PRKAR2B: variants seen among roughly 807,000 people sequenced by gnomAD.
PRKAR2B encodes the protein cAMP-dependent protein kinase type II-beta regulatory subunit.
Under a neutral mutation model 49.9 loss-of-function variants are expected in PRKAR2B, and 14 were observed. That is an observed-to-expected ratio of 0.28 (90% CI 0.19 to 0.44). The LOEUF (loss-of-function observed/expected upper bound fraction) is 0.44. PRKAR2B is among the 20% of genes least tolerant of loss of function. PRKAR2B has a pLI of 1.00. For synonymous variants in PRKAR2B, 196 were observed against 197.7 expected, an observed-to-expected ratio of 0.99 and a Z score of 0.07; for missense variants, 393 against 537.9, an observed-to-expected ratio of 0.73 and a Z score of 2.67.
At chr7:107,073,932 C>G (rs532634590) in intron 2 of PRKAR2B, among the ~76,000 whole-genome samples, 1 of 151,826 alleles carries the variant, frequency 6.6e-6, no homozygotes, top group Non-Finnish European at 1.5e-5. Context: ...CATGGTGGCG[C>G]GTGCCTATAG....
rs979914870 is a variant in PRKAR2B, at chr7:107,161,692, G to A, written c.*2110G>A. 1 of 152,230 alleles carries A rather than the reference G, an allele frequency of 6.6e-6. No individual in the cohort carries two copies. The highest frequency in any genetic ancestry group is 1.5e-5 in the Non-Finnish European group (1 of 68,038). 9.4% of individuals were successfully genotyped at this position (152,230 alleles called of 1,614,324 possible). On this transcript the variant is annotated 3_prime_UTR_variant, in exon 11 of 11. Transcript: ENST00000265717. ...TTTAAAATTATTAGCTATTCATCAT[G>A]TGTGGGAGAAATAATTGTGGTGTGT... is the stretch of plus-strand genomic sequence containing the variant.
rs1392080606 is a variant in PRKAR2B, at chr7:107,146,337, A to G, written c.617A>G (p.Asp206Gly). The change falls in exon 6 of 11, where the codon GAT (aspartate) becomes GGT (glycine). Residue 206 changes from aspartate to glycine, a missense_variant. By Grantham distance (94) the Asp-to-Gly change is moderately conservative. This residue lies in a region of PRKAR2B where 233 missense variants were observed against 390.4 expected (regional missense o/e 0.60). Transcript: ENST00000265717. ...ACATTTGATATTTATGTGAAATGTG[A>G]TGGTGTTGGAAGATGTGTTGGTAAC... ...RGTFDIYVKCDGVGRCVGNYD... is the reference protein window; with the variant it reads ...RGTFDIYVKCGGVGRCVGNYD... The G allele has an allele frequency of 6.2e-7, 1 of 1,614,090 alleles. No homozygotes were observed. The highest frequency in any genetic ancestry group is 8.5e-7 in the Non-Finnish European group (1 of 1,179,968).
intron 2 of PRKAR2B, among the ~76,000 whole-genome samples, chr7:107,103,220 C>T (rs1277717004): frequency 6.6e-6 from 1 of 152,076 alleles, no homozygotes; most frequent in Non-Finnish European, 1.5e-5. Flanking sequence ...ACTAAAATTT[C>T]TTGGGAAATA....
intron 2 of PRKAR2B, among the ~76,000 whole-genome samples, chr7:107,096,880 T>G (rs1025531373): frequency 2.0e-5 from 3 of 152,206 alleles, no homozygotes; most frequent in African/African-American, 7.2e-5. Context: ...AGAGACAGTT[T>G]GTTAGAATTT....
chr7:107,100,979 A>AT (rs1175413082), intron 2 of PRKAR2B, among the ~76,000 whole-genome samples: 1 of 152,090 alleles, frequency 6.6e-6, no homozygotes, highest in Non-Finnish European at 1.5e-5. Context: ...AACTGGCCCA[A>AT]TTGTAGATCA....
At chr7:107,073,027 G>A (rs1005434204) in intron 2 of PRKAR2B, among the ~76,000 whole-genome samples, 1 of 152,104 alleles carries the variant, frequency 6.6e-6, no homozygotes, top group Non-Finnish European at 1.5e-5. Context: ...AATGTGTAGT[G>A]CTATGTGTTC....
intron 2 of PRKAR2B, among the ~76,000 whole-genome samples, chr7:107,073,874 A>G (rs1359467491): frequency 6.6e-6 from 1 of 151,866 alleles, no homozygotes; most frequent in Non-Finnish European, 1.5e-5. Flanking sequence ...CAGCCTGGCC[A>G]ACTTGGTGAA....
intron 2 of PRKAR2B, among the ~76,000 whole-genome samples, chr7:107,096,934 A>G (rs75910469): frequency 6.6e-6 from 1 of 152,082 alleles, no homozygotes; most frequent in Non-Finnish European, 1.5e-5. Context: ...TTGCAACTAT[A>G]TGGTCAGTTT....
chr7:107,117,564 G>A (rs1057410511), intron 2 of PRKAR2B, among the ~76,000 whole-genome samples: 1 of 152,144 alleles, frequency 6.6e-6, no homozygotes, highest in African/African-American at 2.4e-5. Flanking sequence ...GTGAATCGTG[G>A]AGTTCAGTCT....
intron 2 of PRKAR2B, among the ~76,000 whole-genome samples, chr7:107,071,074 T>C (rs1794259893): frequency 6.6e-6 from 1 of 152,240 alleles, no homozygotes; most frequent in South Asian, 2.1e-4. Flanking sequence ...AACTATTATT[T>C]AGAAAATTCA....
chr7:107,157,406 T>C, intron 10 of PRKAR2B, 82 bp downstream of exon 10: 1 of 1,461,322 alleles, frequency 6.8e-7, no homozygotes, highest in Non-Finnish European at 9.2e-7. Flanking sequence ...TGAATCATTT[T>C]ATTGGGTTCA....
intron 8 of PRKAR2B, among the ~76,000 whole-genome samples, chr7:107,156,036 A>G (rs1425335093): frequency 6.6e-6 from 1 of 152,200 alleles, no homozygotes; most frequent in Non-Finnish European, 1.5e-5. Flanking sequence ...GTTCTCACTC[A>G]TAAGTGGGAG....
chr7:107,156,421 G>T (rs984823774), intron 8 of PRKAR2B, among the ~76,000 whole-genome samples: 1 of 152,058 alleles, frequency 6.6e-6, no homozygotes, highest in African/African-American at 2.4e-5. Context: ...CTGGGTGACA[G>T]AGCGAGACTC....
chr7:107,080,938 CCTT>C (rs1487337544), intron 2 of PRKAR2B, among the ~76,000 whole-genome samples: 7 of 152,184 alleles, frequency 4.6e-5, no homozygotes, highest in African/African-American at 1.7e-4. Flanking sequence ...ACTTAAATGA[CCTT>C]CTGTAAAACC....
At chr7:107,065,316 GTGTGTAT>G (rs1794113811) in intron 1 of PRKAR2B, among the ~76,000 whole-genome samples, 2 of 58,174 alleles carry the variant, frequency 3.4e-5, no homozygotes, top group African/African-American at 2.5e-4. Flanking sequence ...TGCTCGGGGT[GTGTGTAT>G]GTGTGTGTGT....
At chr7:107,084,827 G>A (rs529213631) in intron 2 of PRKAR2B, among the ~76,000 whole-genome samples, 102 of 151,756 alleles carry the variant, frequency 6.7e-4, no homozygotes, top group African/African-American at 2.2e-3. Flanking sequence ...GGGTTTCACC[G>A]TGTTAGCCAG....
chr7:107,117,709 GA>G (rs2115574158), intron 2 of PRKAR2B, among the ~76,000 whole-genome samples: 1 of 152,272 alleles, frequency 6.6e-6, no homozygotes, highest in African/African-American at 2.4e-5. Context: ...AAAAATCCTG[GA>G]AGTTGAATAA....
intron 1 of PRKAR2B, among the ~76,000 whole-genome samples, chr7:107,059,117 A>G (rs1385998362): frequency 6.6e-6 from 1 of 151,922 alleles, no homozygotes; most frequent in Non-Finnish European, 1.5e-5. Context: ...ATGAAACCCC[A>G]TCTCTACTAA....
intron 1 of PRKAR2B, among the ~76,000 whole-genome samples, chr7:107,061,466 C>T (rs1755428826): frequency 6.6e-6 from 1 of 152,062 alleles, no homozygotes; most frequent in Non-Finnish European, 1.5e-5. Context: ...TAGGTTTATT[C>T]CTATGTAACT....
Sources: gnomAD v4.1 joint callset for allele counts (sites outside exome capture counted in the v4.1 genomes callset) on GRCh38, gnomAD v4.1.1 for gene constraint, gnomAD v4.1.1 regional missense constraint, MANE v1.5 for transcripts, NCBI Gene and HGNC (gene_info 2026-07-23, HGNC 2026-07-21) for gene names.